Variants in INHBB observed in about 807,000 individuals in gnomAD.
INHBB encodes the protein inhibin beta B chain.
Under a neutral mutation model 28.9 loss-of-function variants are expected in INHBB, and 8 were observed. The observed-to-expected ratio is 0.28, with a 90% CI of 0.16 to 0.50. The LOEUF (loss-of-function observed/expected upper bound fraction) is 0.50, where lower values mean the gene tolerates loss of function less well. INHBB is among the 20% of genes least tolerant of loss of function. INHBB has a pLI of 0.98. For missense variants in INHBB, 499 were observed against 597.8 expected (o/e 0.83, Z 1.72); for synonymous variants, 293 against 262.7 (o/e 1.12, Z -1.12).
intron 1 of INHBB, among the ~76,000 whole-genome samples, chr2:120,348,656 CAAAAAAAAAAAAA>C (rs5833831): frequency 1.3e-5 from 1 of 74,458 alleles, no homozygotes; most frequent in Admixed American, 1.6e-4. Flanking sequence ...CTAAGTTAAC[CAAAAAAAAAAAAA>C]AAAAAAAAAG....
intron 1 of INHBB, among the ~76,000 whole-genome samples, chr2:120,348,537 G>A (rs1198273266): frequency 1.3e-5 from 2 of 151,742 alleles, no homozygotes; most frequent in Non-Finnish European, 2.9e-5. Flanking sequence ...AGAAACCTGA[G>A]CAGAGCCTGC....
Position 120,349,625 on chromosome 2 carries a change from C to T in INHBB, c.975C>T (p.Thr325=), listed in dbSNP as rs368438939. 2.7e-5 allele frequency: 44 copies of T among 1,613,810 alleles called. No individual in the cohort carries two copies. The highest frequency in any genetic ancestry group is 1.6e-4 in the Middle Eastern group (1 of 6,062). Residue 325 remains threonine, a synonymous_variant, in exon 2 of 2, where the codon ACC becomes ACT. Coordinates refer to ENST00000295228, the MANE Select transcript of INHBB (RefSeq NM_002193.4). The surrounding 1 kb of genome is among the most constrained non-coding windows in gnomAD (Gnocchi z 5.6). ...GGAACGACTGGATCATAGCACCCAC[C>T]GGCTACTACGGGAACTACTGTGAGG... The part of the protein sequence containing the change: ...IGWNDWIIAP[T]GYYGNYCEGS...
In INHBB at chr2:120,351,443, T is replaced by C. The variant is rs1053750398; in HGVS notation, c.*1569T>C. The C allele has an allele frequency of 9.9e-5, 15 of 152,226 alleles. No individual in the cohort carries two copies. Among genetic ancestry groups the C allele is most frequent in the Non-Finnish European group, 1.9e-4 (13 of 68,004 alleles). The allele number at this position is 152,226 out of a possible 1,614,324, so 9.4% of individuals were successfully genotyped here. On this transcript the variant is annotated 3_prime_UTR_variant, in exon 2 of 2. Transcript: ENST00000295228. ...TACAGTTAAATGTATTATACATAAT[T>C]TTGGAACCAAAGAGGCCAACAGATC...
rs1158839140 is a variant in INHBB at position 120,351,765 on chromosome 2, G to T, written c.*1891G>T. On this transcript the variant is annotated 3_prime_UTR_variant, in exon 2 of 2. Coordinates refer to ENST00000295228, the MANE Select transcript of INHBB (RefSeq NM_002193.4). ...TAGACTTGCTGTTAAAGTATTGTAC[G>T]TTTGTGTACAGTTTAAGAAAATAAA... The T allele has an allele frequency of 2.0e-5, 3 of 152,158 alleles. No individual in the cohort carries two copies. The allele number at this position is 152,158 out of a possible 1,614,324, so 9.4% of individuals were successfully genotyped here. A position where few individuals can be genotyped will look rare whatever the true frequency, so the allele number is the denominator to read the frequency against.
In INHBB at chr2:120,349,007, G is replaced by A. The variant is rs925691184; in HGVS notation, c.449-92G>A. The A allele has an allele frequency of 7.1e-7, 1 of 1,415,810 alleles. No individual in the cohort carries two copies. The highest frequency in any genetic ancestry group is 9.6e-7 in the Non-Finnish European group (1 of 1,044,586). 87.7% of individuals were successfully genotyped at this position (1,415,810 alleles called of 1,614,324 possible). A position where few individuals can be genotyped will look rare whatever the true frequency, so the allele number is the denominator to read the frequency against. On this transcript the variant is annotated intron_variant, in intron 1 of 1. Coordinates refer to ENST00000295228, the MANE Select transcript of INHBB (RefSeq NM_002193.4). The surrounding 1 kb of genome is among the most constrained non-coding windows in gnomAD (Gnocchi z 5.6). ...ACGTTTTCCAGCTGTGTGGCGAGTT[G>A]CATTCCAGCATCCTGCAGCAGAGAG...
Position 120,346,399 on chromosome 2 carries a change from G to C in INHBB, c.211G>C (p.Asp71His). ...FRRPEELGRVDGDFLEAVKRH... is the reference protein window; with the variant it reads ...FRRPEELGRVHGDFLEAVKRH... ...GCGGCCAGAGGAGCTCGGCCGAGTG[G>C]ACGGCGACTTCCTGGAGGCGGTGAA... Residue 71 changes from aspartate to histidine, a missense_variant, in exon 1 of 2, where the codon GAC (aspartate) becomes CAC (histidine). This residue lies in a region of INHBB where 385 missense variants were observed against 415.2 expected (regional missense o/e 0.93). Transcript: ENST00000295228. 6.5e-7 allele frequency: 1 copy of C among 1,539,142 alleles called. No homozygotes were observed.
In INHBB at chr2:120,351,667, ATCTTTAT is replaced by A. The variant is rs1285157306; in HGVS notation, c.*1794_*1800del. On this transcript the variant is annotated 3_prime_UTR_variant, in exon 2 of 2. Coordinates refer to ENST00000295228, the MANE Select transcript of INHBB (RefSeq NM_002193.4). ...TGCAGGTGTGTATCCTTAAATCCTC[ATCTTTAT>A]GTTTATTTAATAAAGCTCCCCTTAG... The A allele has an allele frequency of 1.3e-5, 2 of 152,218 alleles. No individual in the cohort carries two copies. The highest frequency in any genetic ancestry group is 2.9e-5 in the Non-Finnish European group (2 of 68,036). The allele number at this position is 152,218 out of a possible 1,614,324, so 9.4% of individuals were successfully genotyped here.
Position 120,349,461 on chromosome 2 carries a change from T to C in INHBB, c.811T>C (p.Ser271Pro). 1 of 1,612,764 alleles carries C rather than the reference T, an allele frequency of 6.2e-7. No homozygotes were observed. The highest frequency in any genetic ancestry group is 8.5e-7 in the Non-Finnish European group (1 of 1,179,848). ...GGTGTTCGTGGACCCAGGCGAAGAG[T>C]CGCACCGGCCCTTTGTGGTGGTGCA... ...VPVFVDPGEESHRPFVVVQAR... is the reference protein window; with the variant it reads ...VPVFVDPGEEPHRPFVVVQAR... Residue 271 changes from serine to proline, a missense_variant, in exon 2 of 2, where the codon TCG becomes CCG. Coordinates refer to ENST00000295228, the MANE Select transcript of INHBB (RefSeq NM_002193.4). The surrounding 1 kb of genome is among the most constrained non-coding windows in gnomAD (Gnocchi z 5.6).
chr2:120,349,908 G>A lies in INHBB; in HGVS notation c.*34G>A, dbSNP rs903054516. 1.9e-6 allele frequency: 3 copies of A among 1,582,364 alleles called. No homozygotes were observed. The highest frequency in any genetic ancestry group is 2.7e-5 in the African/African-American group (2 of 74,592). Reference sequence around the variant, plus strand: ...GGCAGGGGCACGGTGGTGGGGCACGGAGGGCAGTCCCGGGTGGGCTTCTTC... The same window carrying A: ...GGCAGGGGCACGGTGGTGGGGCACGAAGGGCAGTCCCGGGTGGGCTTCTTC... On this transcript the variant is annotated 3_prime_UTR_variant, in exon 2 of 2. Transcript: ENST00000295228. This position sits in a 1 kb window ranked among gnomAD's most constrained non-coding sequence, Gnocchi z 5.6.
In INHBB at chr2:120,349,982, T is replaced by C. The variant is rs746318423; in HGVS notation, c.*108T>C. On this transcript the variant is annotated 3_prime_UTR_variant, in exon 2 of 2. Coordinates refer to ENST00000295228, the MANE Select transcript of INHBB (RefSeq NM_002193.4). The surrounding 1 kb of genome is among the most constrained non-coding windows in gnomAD (Gnocchi z 5.6). ...CACGGTGGGCTGAGTACAGTCATTCTGTTGGGCTGTGGAGATAGTGCCAGG... is the reference window on the plus strand; with the variant it reads ...CACGGTGGGCTGAGTACAGTCATTCCGTTGGGCTGTGGAGATAGTGCCAGG... The C allele has an allele frequency of 9.0e-7, 1 of 1,113,156 alleles. No homozygotes were observed. The highest frequency in any genetic ancestry group is 1.3e-6 in the Non-Finnish European group (1 of 782,544). 69.0% of individuals were successfully genotyped at this position (1,113,156 alleles called of 1,614,324 possible).
In INHBB at chr2:120,346,561, C is replaced by G. The variant is rs923742193; in HGVS notation, c.373C>G (p.His125Asp). 1 of 1,497,436 alleles carries G rather than the reference C, an allele frequency of 6.7e-7. No homozygotes were observed. The highest frequency in any genetic ancestry group is 8.8e-7 in the Non-Finnish European group (1 of 1,130,336). The allele number at this position is 1,497,436 out of a possible 1,614,324, so 92.8% of individuals were successfully genotyped here. ...VREDGRVEIP[H>D]LDGHASPGAD... is the part of the protein sequence containing the mutation. ...CGAGGACGGCCGCGTGGAGATCCCGCACCTCGACGGCCACGCCAGCCCGGG... is the reference window on the plus strand; with the variant it reads ...CGAGGACGGCCGCGTGGAGATCCCGGACCTCGACGGCCACGCCAGCCCGGG... Residue 125 changes from histidine to aspartate, a missense_variant, in exon 1 of 2, where the codon CAC becomes GAC. By Grantham distance (81) the His-to-Asp change is moderately conservative. Around this residue, in one of 2 missense-constraint regions of INHBB, gnomAD observed 385 missense variants for 415.2 expected, o/e 0.93. Transcript: ENST00000295228.
At chr2:120,347,600 G>T (rs922034602) in intron 1 of INHBB, among the ~76,000 whole-genome samples, 4 of 152,190 alleles carry the variant, frequency 2.6e-5, no homozygotes, top group Non-Finnish European at 2.9e-5. Context: ...CATTTGTGCC[G>T]AGGGGACTGC....
chr2:120,347,510 T>G (rs1691180777), intron 1 of INHBB, among the ~76,000 whole-genome samples: 1 of 146,896 alleles, frequency 6.8e-6, no homozygotes, highest in Admixed American at 7.1e-5. Flanking sequence ...CGCGCCAAAA[T>G]GCTGCAAGTG....
At position 120,346,595 on chromosome 2, in the gene INHBB, G is replaced by T; in HGVS notation, c.407G>T (p.Gly136Val). Reference sequence around the variant, plus strand: ...GGCCACGCCAGCCCGGGCGCCGACGGCCAGGAGCGCGTTTCCGAAATCATC... The same window carrying T: ...GGCCACGCCAGCCCGGGCGCCGACGTCCAGGAGCGCGTTTCCGAAATCATC... ...LDGHASPGAD[G>V]QERVSEIISF... The change falls in exon 1 of 2, where the codon GGC becomes GTC. Residue 136 changes from glycine to valine, a missense_variant. Transcript: ENST00000295228. 2.1e-6 allele frequency: 3 copies of T among 1,453,586 alleles called. No individual in the cohort carries two copies. The highest frequency in any genetic ancestry group is 2.7e-6 in the Non-Finnish European group (3 of 1,109,794). 90.0% of individuals were successfully genotyped at this position (1,453,586 alleles called of 1,614,324 possible). A position where few individuals can be genotyped will look rare whatever the true frequency, so the allele number is the denominator to read the frequency against.
chr2:120,346,503 G>C lies in INHBB; in HGVS notation c.315G>C (p.Thr105=), dbSNP rs1389429843. The C allele has an allele frequency of 6.5e-7, 1 of 1,540,176 alleles. No individual in the cohort carries two copies. Among genetic ancestry groups the C allele is most frequent in the Admixed American group, 1.9e-5 (1 of 52,088 alleles). ...CCGTGCCTAAGGCCGCCATGGTCAC[G>C]GCCCTGCGCAAGCTGCACGCGGGCA... ...THAVPKAAMV[T]ALRKLHAGKV... The change falls in exon 1 of 2, where the codon ACG becomes ACC. Residue 105 remains threonine (T), a synonymous_variant. Coordinates refer to ENST00000295228, the MANE Select transcript of INHBB (RefSeq NM_002193.4).
intron 1 of INHBB, among the ~76,000 whole-genome samples, chr2:120,347,406 C>G (rs1691178220): frequency 1.3e-5 from 2 of 148,648 alleles, no homozygotes; most frequent in Non-Finnish European, 3.0e-5. Flanking sequence ...CCCCCCCCCC[C>G]GGCCCCAGAT....
At position 120,349,549 on chromosome 2, in the gene INHBB, C is replaced by T. The variant is rs1691222985; in HGVS notation, c.899C>T (p.Thr300Ile). ...RKRGLECDGR[T>I]NLCCRQQFFI... ...CGAGGCCTGGAGTGCGATGGCCGGA[C>T]CAACCTCTGTTGCAGGCAACAGTTC... Residue 300 changes from threonine (T) to isoleucine (I), a missense_variant, in exon 2 of 2, where the codon ACC becomes ATC. By Grantham distance (89) the Thr-to-Ile change is moderately conservative. Coordinates refer to ENST00000295228, the MANE Select transcript of INHBB (RefSeq NM_002193.4). This position sits in a 1 kb window ranked among gnomAD's most constrained non-coding sequence, Gnocchi z 5.6. 2 of 1,614,018 alleles carry T rather than the reference C, an allele frequency of 1.2e-6. No homozygotes were observed. Among genetic ancestry groups the T allele is most frequent in the Non-Finnish European group, 1.7e-6 (2 of 1,180,028 alleles).
In INHBB at chr2:120,346,470, C is replaced by T. The variant is rs1211456329; in HGVS notation, c.282C>T (p.Ile94=). 3 of 1,558,640 alleles carry T rather than the reference C, an allele frequency of 1.9e-6. No individual in the cohort carries two copies. In the South Asian group the frequency reaches 3.5e-5, roughly 18 times the overall value. ...TGCAGATGCGGGGCCGGCCCAACAT[C>T]ACGCACGCCGTGCCTAAGGCCGCCA... The part of the protein sequence containing the change: ...SRLQMRGRPN[I]THAVPKAAMV... The change falls in exon 1 of 2, where the codon ATC becomes ATT. Residue 94 remains isoleucine, a synonymous_variant. Transcript: ENST00000295228.
Position 120,348,569 on chromosome 2 carries a change from C to T in INHBB, c.449-530C>T, listed in dbSNP as rs1488306105. On this transcript the variant is annotated intron_variant, in intron 1 of 1. Transcript: ENST00000295228. ...CTGCTTGTTTGCAGTGGAGGTTCCA[C>T]TGGGGGTTGGATCACATCATACTTA... 3.4e-5 allele frequency among the ~76,000 whole-genome samples: 5 copies of T among 146,738 alleles called. No individual in the cohort carries two copies. In the East Asian group the frequency reaches 8.2e-4, roughly 24 times the overall value.
Sources: allele counts gnomAD v4.1 joint callset (sites outside exome capture counted in the v4.1 genomes callset), GRCh38; gene constraint gnomAD v4.1.1; regional missense constraint gnomAD v4.1.1; non-coding constraint Gnocchi (gnomAD v3.1); transcripts MANE v1.5; gene names NCBI Gene and HGNC (gene_info 2026-07-23, HGNC 2026-07-21).